Variants in SPON1 observed in about 807,000 individuals in gnomAD.
The protein encoded by SPON1 is spondin-1.
In SPON1, 52 loss-of-function variants were observed where a neutral mutation model predicts 111.7. The ratio of observed to expected loss-of-function variants is 0.47; its 90% CI spans 0.37 to 0.59. The LOEUF is 0.59. Ranked by LOEUF, SPON1 falls within the 20% of genes least tolerant of loss-of-function variation. SPON1 has a pLI of 0.00. For missense variants in SPON1, 957 were observed against 1,068.5 expected (o/e 0.90, Z 1.46); for synonymous variants, 410 against 395.8 (o/e 1.04, Z -0.43).
intron 3 of SPON1, among the ~76,000 whole-genome samples, chr11:14,061,126 G>A (rs1848788365): frequency 6.6e-6 from 1 of 152,092 alleles, no homozygotes; most frequent in Non-Finnish European, 1.5e-5. Context: ...TCAATTTGTG[G>A]GACAGAAAAC....
intron 6 of SPON1, among the ~76,000 whole-genome samples, chr11:14,164,229 C>T (rs1264771528): frequency 6.6e-6 from 1 of 152,148 alleles, no homozygotes; most frequent in Non-Finnish European, 1.5e-5. Context: ...CAGAAACTCA[C>T]GGGAAGTCCA....
At chr11:14,175,883 A>T (rs550770806) in intron 6 of SPON1, among the ~76,000 whole-genome samples, 1 of 152,200 alleles carries the variant, frequency 6.6e-6, no homozygotes, top group East Asian at 1.9e-4. Flanking sequence ...ATGCTGCCCA[A>T]TGGGCTGCAT....
chr11:14,155,651 T>C, intron 6 of SPON1, among the ~76,000 whole-genome samples: 1 of 148,774 alleles, frequency 6.7e-6, no homozygotes. Flanking sequence ...CCCTCCCCAC[T>C]CCCCCTACCC....
intron 5 of SPON1, among the ~76,000 whole-genome samples, chr11:14,095,936 G>A (rs1220250979): frequency 3.9e-5 from 6 of 152,302 alleles, no homozygotes; most frequent in Admixed American, 1.3e-4. Context: ...ATCCTGAGAA[G>A]TCTGCCCATC....
chr11:14,133,507 G>A (rs1247110402), intron 5 of SPON1, among the ~76,000 whole-genome samples: 9 of 152,312 alleles, frequency 5.9e-5, no homozygotes, highest in African/African-American at 2.2e-4. Context: ...CCAAACAAGA[G>A]GAGAGTACAG....
rs782259883 is a variant in SPON1, at chr11:14,262,749, G to A, written c.2034G>A (p.Ser678=). The stretch of plus-strand genomic sequence containing the variant: ...AGCTCACCGAGTGGTCCCAGTGGTC[G>A]GAATGTAACAAGTCATGTGGGAAAG... ...DCELTEWSQW[S]ECNKSCGKGH... is the part of the protein sequence containing the mutation. The change falls in exon 15 of 16, where the codon TCG becomes TCA. Residue 678 remains serine (S), a synonymous_variant. Coordinates refer to ENST00000576479, the MANE Select transcript of SPON1 (RefSeq NM_006108.4). 1.2e-5 allele frequency: 20 copies of A among 1,613,760 alleles called. No homozygotes were observed. The highest frequency in any genetic ancestry group is 3.3e-5 in the Admixed American group (2 of 59,988).
intron 6 of SPON1, among the ~76,000 whole-genome samples, chr11:14,201,831 G>A (rs981144662): frequency 6.6e-6 from 1 of 152,166 alleles, no homozygotes; most frequent in East Asian, 1.9e-4. Flanking sequence ...TTCATAGTAG[G>A]TGACTGTGAA....
intron 2 of SPON1, among the ~76,000 whole-genome samples, chr11:14,011,154 G>A (rs77924860): frequency 6.6e-6 from 1 of 152,168 alleles, no homozygotes; most frequent in Admixed American, 6.6e-5. Context: ...GAAGAGCTCA[G>A]CCCTCTCCAC....
intron 2 of SPON1, among the ~76,000 whole-genome samples, chr11:14,022,688 C>T (rs924847481): frequency 2.0e-5 from 3 of 152,224 alleles, no homozygotes; most frequent in Non-Finnish European, 2.9e-5. Context: ...TAAACTTTAG[C>T]TTCTTTCCCT....
At chr11:14,232,153 G>T (rs1331274145) in intron 6 of SPON1, among the ~76,000 whole-genome samples, 1 of 151,908 alleles carries the variant, frequency 6.6e-6, no homozygotes, top group African/African-American at 2.4e-5. Flanking sequence ...ATTGGTGAAG[G>T]CTTCCTCCAC....
intron 6 of SPON1, among the ~76,000 whole-genome samples, chr11:14,187,213 G>A (rs1372893016): frequency 6.6e-5 from 10 of 152,124 alleles, no homozygotes; most frequent in African/African-American, 2.2e-4. Flanking sequence ...ATTACCTCAG[G>A]GAAGGCACTA....
At chr11:14,092,844 G>T (rs1253087102) in intron 5 of SPON1, among the ~76,000 whole-genome samples, 1 of 152,178 alleles carries the variant, frequency 6.6e-6, no homozygotes, top group Non-Finnish European at 1.5e-5. Context: ...AGAAGTTACA[G>T]ACTCAGATGA....
chr11:14,232,251 AG>A (rs2133912554), intron 6 of SPON1, among the ~76,000 whole-genome samples: 1 of 151,740 alleles, frequency 6.6e-6, no homozygotes, highest in Non-Finnish European at 1.5e-5. Flanking sequence ...AGAGCTAATC[AG>A]CACTGGACAC....
intron 5 of SPON1, among the ~76,000 whole-genome samples, chr11:14,089,032 C>G (rs1393249266): frequency 6.6e-6 from 1 of 152,014 alleles, no homozygotes; most frequent in African/African-American, 2.4e-5. Flanking sequence ...GTTCCTGTCA[C>G]CTTTTATCAA....
chr11:14,013,038 TA>T (rs1336227823), intron 2 of SPON1, among the ~76,000 whole-genome samples: 22 of 152,344 alleles, frequency 1.4e-4, no homozygotes, highest in Admixed American at 9.1e-4. Flanking sequence ...AGTCTGTTTC[TA>T]ACGGCAACCT....
intron 6 of SPON1, among the ~76,000 whole-genome samples, chr11:14,156,475 C>T (rs1258852984): frequency 6.8e-6 from 1 of 146,334 alleles, no homozygotes. Flanking sequence ...GTTTCTTTTG[C>T]TCTGCAGAAG....
chr11:14,042,328 G>A (rs1554917372), intron 3 of SPON1, among the ~76,000 whole-genome samples: 1 of 151,950 alleles, frequency 6.6e-6, no homozygotes, highest in Non-Finnish European at 1.5e-5. Context: ...GCAAAATGCT[G>A]TGTACTAGAT....
At position 14,259,283 on chromosome 11, in the gene SPON1, G is replaced by T. The variant is rs2303976; in HGVS notation, c.1496G>T (p.Gly499Val). 3.9e-4 allele frequency: 632 copies of T among 1,610,648 alleles called. 2 individuals are homozygous for T. In the East Asian group the frequency reaches 6.1e-3, roughly 16 times the overall value. ...CMGPGCSDED[G>V]STCTMSEWIT... ...GCGTTCACTCGGTGTGTTGCAGACGGCTCCACCTGCACCATGTCCGAGTGG... is the reference window on the plus strand; with the variant it reads ...GCGTTCACTCGGTGTGTTGCAGACGTCTCCACCTGCACCATGTCCGAGTGG... The change falls in exon 12 of 16, where the codon GGC (glycine) becomes GTC (valine). Residue 499 changes from glycine (G) to valine (V), a missense_variant. Gly to Val is a moderately radical substitution (Grantham distance 109). Transcript: ENST00000576479. This position sits in a 1 kb window ranked among gnomAD's most constrained non-coding sequence, Gnocchi z 5.0.
chr11:14,209,570 G>C (rs1393514103), intron 6 of SPON1, among the ~76,000 whole-genome samples: 3 of 152,142 alleles, frequency 2.0e-5, no homozygotes, highest in Admixed American at 6.5e-5. Flanking sequence ...CTTCAACCAT[G>C]TCCCTGCAAA....
Sources: allele counts gnomAD v4.1 joint callset (sites outside exome capture counted in the v4.1 genomes callset), GRCh38; gene constraint gnomAD v4.1.1; non-coding constraint Gnocchi (gnomAD v3.1); transcripts MANE v1.5; gene names NCBI Gene and HGNC (gene_info 2026-07-23, HGNC 2026-07-21).